The following SLC45A4 variants were observed in gnomAD, a reference collection of about 807,000 sequenced individuals.
The protein encoded by SLC45A4 is polyamine-transporter SLC45A4.
In SLC45A4, 32 loss-of-function variants were observed where a neutral mutation model predicts 63.7. The observed-to-expected ratio is 0.50, with a 90% CI of 0.38 to 0.67. The LOEUF is 0.67. Among genes scored for constraint, SLC45A4 ranks in the 30% least tolerant of loss-of-function variants. The pLI is 0.00. For synonymous variants in SLC45A4, 535 were observed against 510.0 expected (o/e 1.05, Z -0.66); for missense variants, 1,027 against 1,157.7 (o/e 0.89, Z 1.64).
intron 1 of SLC45A4, among the ~76,000 whole-genome samples, chr8:141,289,534 G>A (rs1446193182): frequency 6.6e-6 from 1 of 152,192 alleles, no homozygotes; most frequent in East Asian, 1.9e-4. Flanking sequence ...AGTGCAGAGA[G>A]GCGATTTGTA....
Position 141,217,101 on chromosome 8 carries a change from G to A in SLC45A4, c.1718C>T (p.Ala573Val). Residue 573 changes from alanine to valine, a missense_variant, in exon 6 of 9, where the codon GCT becomes GTT. Ala to Val is a moderately conservative substitution (Grantham distance 64, BLOSUM62 0). Transcript: ENST00000517878. Reference sequence around the variant, plus strand: ...TGGGGAGCTCTTACCTGAACAAATAGCACCAGTGGCGGCATAAATGACCAG... The same window carrying A: ...TGGGGAGCTCTTACCTGAACAAATAACACCAGTGGCGGCATAAATGACCAG... ...WGLVIYAATG[A>V]ICSALLQKYL... is the part of the protein sequence containing the mutation. 1 of 1,613,970 alleles carries A rather than the reference G, an allele frequency of 6.2e-7. No individual in the cohort carries two copies. The highest frequency in any genetic ancestry group is 8.5e-7 in the Non-Finnish European group (1 of 1,179,994).
At position 141,254,739 on chromosome 8, in the gene SLC45A4, C is replaced by A. The variant is rs1257357401; in HGVS notation, c.-400-110G>T. 1.5e-6 allele frequency: 1 copy of A among 682,290 alleles called. No homozygotes were observed. The highest frequency in any genetic ancestry group is 2.7e-6 in the Non-Finnish European group (1 of 372,422). The allele number at this position is 682,290 out of a possible 1,614,324, so 42.3% of individuals were successfully genotyped here. A position where few individuals can be genotyped will look rare whatever the true frequency, so the allele number is the denominator to read the frequency against. Reference sequence around the variant, plus strand: ...AGCCGTGTGCCCCGAGGGCCCGACCCAAGATCACACAGCTCTCTGCCACTC... The same window carrying A: ...AGCCGTGTGCCCCGAGGGCCCGACCAAAGATCACACAGCTCTCTGCCACTC... On this transcript the variant is annotated intron_variant, in intron 1 of 8. Transcript: ENST00000517878. This position sits in a 1 kb window ranked among gnomAD's most constrained non-coding sequence, Gnocchi z 4.5.
intron 2 of SLC45A4, among the ~76,000 whole-genome samples, chr8:141,239,685 T>G (rs1475934079): frequency 1.3e-5 from 2 of 152,198 alleles, no homozygotes; most frequent in African/African-American, 2.4e-5. Context: ...AGATGTGTTT[T>G]CAGGTGGATT....
Position 141,212,332 on chromosome 8 carries a change from C to T in SLC45A4, c.2166G>A (p.Glu722=), listed in dbSNP as rs751397551. The T allele has an allele frequency of 3.7e-6, 6 of 1,612,896 alleles. No homozygotes were observed. Among genetic ancestry groups the T allele is most frequent in the South Asian group, 1.1e-5 (1 of 91,078 alleles). The change falls in exon 8 of 9, where the codon GAG becomes GAA. Residue 722 remains glutamate, a synonymous_variant. Coordinates refer to ENST00000517878, the MANE Select transcript of SLC45A4 (RefSeq NM_001286646.2). ...ACAGGCCTTTCTGCTCCTCCTTGGC[C>T]TCCTCTGACACGTTGGGATAGATCA... ...FLVIYPNVSE[E]AKEEQKGLSS... is the part of the protein sequence containing the mutation.
rs1829818890 is a variant in SLC45A4 at position 141,278,525 on chromosome 8, C to T, written c.-400-23896G>A. 6.6e-6 allele frequency among the ~76,000 whole-genome samples: 1 copy of T among 151,706 alleles called. No individual in the cohort carries two copies. Among genetic ancestry groups the T allele is most frequent in the Admixed American group, 6.6e-5 (1 of 15,266 alleles). On this transcript the variant is annotated intron_variant, in intron 1 of 8. Transcript: ENST00000517878. This position sits in a 1 kb window ranked among gnomAD's most constrained non-coding sequence, Gnocchi z 4.1. ...GTGGAGGCGGGGCGGGCGGCCGACC[C>T]ACGAGGACACTGGTGAGACAGGGGT...
At chr8:141,233,780 C>T (rs569719522) in intron 2 of SLC45A4, among the ~76,000 whole-genome samples, 1 of 152,336 alleles carries the variant, frequency 6.6e-6, no homozygotes, top group Admixed American at 6.5e-5. Context: ...CCCTGGGAAA[C>T]GGCTATGGAG....
rs1373118056 is a variant in SLC45A4, at chr8:141,256,196, A to T, written c.-400-1567T>A. Among the ~76,000 whole-genome samples the T allele has an allele frequency of 2.0e-5, 3 of 152,180 alleles. No homozygotes were observed. Among genetic ancestry groups the T allele is most frequent in the African/African-American group, 7.2e-5 (3 of 41,434 alleles). ...CTCCTCAGGTAAGATAAGATCGGGG[A>T]TGTGGAACACCCCAAGTTCAGGACT... is the stretch of plus-strand genomic sequence containing the variant. On this transcript the variant is annotated intron_variant, in intron 1 of 8. Coordinates refer to ENST00000517878, the MANE Select transcript of SLC45A4 (RefSeq NM_001286646.2). The surrounding 1 kb of genome is among the most constrained non-coding windows in gnomAD (Gnocchi z 4.3).
At chr8:141,259,249 C>T (rs570761888) in intron 1 of SLC45A4, among the ~76,000 whole-genome samples, 272 of 152,352 alleles carry the variant, frequency 1.8e-3, no homozygotes, top group Non-Finnish European at 2.9e-3. Flanking sequence ...CGCCAGACAC[C>T]GCTGCTCAGC....
In SLC45A4 at chr8:141,218,652, T is replaced by C; in HGVS notation, c.988A>G (p.Ile330Val). ...LEPELLFLHD[I>V]EPSIFHDASY... ...GCGTCGTGGAAGATGGAGGGCTCGA[T>C]GTCGTGCAGGAACAGCAGCTCGGGC... The change falls in exon 5 of 9, where the codon ATC becomes GTC. Residue 330 changes from isoleucine (I) to valine (V), a missense_variant. Transcript: ENST00000517878. The C allele has an allele frequency of 6.2e-7, 1 of 1,613,198 alleles. No individual in the cohort carries two copies. The highest frequency in any genetic ancestry group is 8.5e-7 in the Non-Finnish European group (1 of 1,179,884).
chr8:141,246,165 G>C (rs1183805331), intron 2 of SLC45A4, among the ~76,000 whole-genome samples: 3 of 152,212 alleles, frequency 2.0e-5, no homozygotes, highest in African/African-American at 7.2e-5. Context: ...TGAGGATTGA[G>C]ACAACGGGAA....
rs1049099963 is a variant in SLC45A4 at position 141,227,018 on chromosome 8, G to A, written c.242-5253C>T. ...GTCCTGCTCTGACGTCCCCGGCGGT[G>A]AGAACTCGGTCTCCCCCGTTCGTAG... is the stretch of plus-strand genomic sequence containing the variant. On this transcript the variant is annotated intron_variant, in intron 2 of 8. Coordinates refer to ENST00000517878, the MANE Select transcript of SLC45A4 (RefSeq NM_001286646.2). This position sits in a 1 kb window ranked among gnomAD's most constrained non-coding sequence, Gnocchi z 4.4. The A allele has an allele frequency of 7.9e-5, 12 of 152,270 alleles. No individual in the cohort carries two copies. The highest frequency in any genetic ancestry group is 4.4e-5 in the Non-Finnish European group (3 of 68,056). 9.4% of individuals were successfully genotyped at this position (152,270 alleles called of 1,614,324 possible).
In SLC45A4 at chr8:141,278,756, A is replaced by G. The variant is rs995551783; in HGVS notation, c.-400-24127T>C. Among the ~76,000 whole-genome samples the G allele has an allele frequency of 9.2e-5, 14 of 152,376 alleles. No homozygotes were observed. Among genetic ancestry groups the G allele is most frequent in the Non-Finnish European group, 2.1e-4 (14 of 68,036 alleles). ...CTGGGCTCCTTGCTAACGTCTCAAC[A>G]AGGCACAGACGCACCCGCAAGGGAG... On this transcript the variant is annotated intron_variant, in intron 1 of 8. Transcript: ENST00000517878. The surrounding 1 kb of genome is among the most constrained non-coding windows in gnomAD (Gnocchi z 4.1).
At chr8:141,240,230 T>A (rs1052877832) in intron 2 of SLC45A4, among the ~76,000 whole-genome samples, 5 of 152,246 alleles carry the variant, frequency 3.3e-5, no homozygotes, top group Non-Finnish European at 5.9e-5. Context: ...GGATGTTCTA[T>A]TGCTCACGAT....
chr8:141,236,694 C>T (rs749489462), intron 2 of SLC45A4, among the ~76,000 whole-genome samples: 13 of 152,190 alleles, frequency 8.5e-5, no homozygotes, highest in African/African-American at 1.7e-4. Flanking sequence ...AAGTAACTGC[C>T]GCATTTTATT....
Position 141,254,104 on chromosome 8 carries a change from C to T in SLC45A4, c.126G>A (p.Gly42=), listed in dbSNP as rs1161350107. The change falls in exon 2 of 9, where the codon GGG becomes GGA. Residue 42 remains glycine, a synonymous_variant. Coordinates refer to ENST00000517878, the MANE Select transcript of SLC45A4 (RefSeq NM_001286646.2). This position sits in a 1 kb window ranked among gnomAD's most constrained non-coding sequence, Gnocchi z 4.5. ...GGCGCATGGGGATTCGGTCTATGGA[C>T]CCCTCGCTGATGGTCTCGCAGTTCT... The part of the protein sequence containing the change: ...EAENCETISE[G]SIDRIPMRLW... The T allele has an allele frequency of 6.5e-7, 1 of 1,536,186 alleles. No individual in the cohort carries two copies. Among genetic ancestry groups the T allele is most frequent in the Non-Finnish European group, 8.7e-7 (1 of 1,146,914 alleles).
At position 141,215,778 on chromosome 8, in the gene SLC45A4, T is replaced by A; in HGVS notation, c.1922A>T (p.Gln641Leu). Residue 641 changes from glutamine to leucine, a missense_variant, in exon 7 of 9, where the codon CAG becomes CTG. Physicochemically the swap from Gln to Leu is moderately radical, Grantham distance 113. Coordinates refer to ENST00000517878, the MANE Select transcript of SLC45A4 (RefSeq NM_001286646.2). This position sits in a 1 kb window ranked among gnomAD's most constrained non-coding sequence, Gnocchi z 4.3. ...ISYCPYALLG[Q>L]YHDIKQYIHH... ...ACGCACCTGCTTGATGTCATGGTAC[T>A]GGCCCAGCAGGGCGTACGGGCAGTA... The A allele has an allele frequency of 6.2e-7, 1 of 1,613,690 alleles. No individual in the cohort carries two copies. The highest frequency in any genetic ancestry group is 8.5e-7 in the Non-Finnish European group (1 of 1,179,996).
At position 141,225,587 on chromosome 8, in the gene SLC45A4, G is replaced by A. The variant is rs551492573; in HGVS notation, c.242-3822C>T. Reference sequence around the variant, plus strand: ...ATCTAGAGGAGGCGCTGCGTGCACAGGCCTGTCCCGCCTTTGTGCTGCCAA... The same window carrying A: ...ATCTAGAGGAGGCGCTGCGTGCACAAGCCTGTCCCGCCTTTGTGCTGCCAA... On this transcript the variant is annotated intron_variant, in intron 2 of 8. Coordinates refer to ENST00000517878, the MANE Select transcript of SLC45A4 (RefSeq NM_001286646.2). 4.0e-4 allele frequency: 61 copies of A among 152,542 alleles called. 1 individual carries two copies. Among genetic ancestry groups the A allele is most frequent in the Admixed American group, 3.5e-3 (53 of 15,308 alleles). The allele number at this position is 152,542 out of a possible 1,614,324, so 9.4% of individuals were successfully genotyped here. A position where few individuals can be genotyped will look rare whatever the true frequency, so the allele number is the denominator to read the frequency against.
At chr8:141,214,170 C>T (rs563631136) in intron 7 of SLC45A4, among the ~76,000 whole-genome samples, 6 of 144,454 alleles carry the variant, frequency 4.2e-5, no homozygotes, top group South Asian at 2.2e-4. Context: ...CCAGCCTGGG[C>T]GACAGATCGA....
chr8:141,218,857 C>G lies in SLC45A4; in HGVS notation c.783G>C (p.Gln261His), dbSNP rs535449033. The change falls in exon 5 of 9, where the codon CAG (glutamine) becomes CAC (histidine). Residue 261 changes from glutamine to histidine, a missense_variant. By Grantham distance (24) the Gln-to-His change is conservative. Coordinates refer to ENST00000517878, the MANE Select transcript of SLC45A4 (RefSeq NM_001286646.2). ...CGGGCTCCTCAGCGCTGCGCTCCTG[C>G]TGCGGGCTGTACTGCTCCTCGTCGA... Reference protein sequence around the residue: ...FSIDEEQYSPQQERSAEEPGA... With the variant: ...FSIDEEQYSPHQERSAEEPGA... 26 of 1,613,462 alleles carry G rather than the reference C, an allele frequency of 1.6e-5. No homozygotes were observed. In the South Asian group the frequency reaches 2.2e-4, roughly 14 times the overall value.
Sources: gnomAD v4.1 joint callset for allele counts (sites outside exome capture counted in the v4.1 genomes callset) on GRCh38, gnomAD v4.1.1 for gene constraint, Gnocchi (gnomAD v3.1) non-coding constraint, MANE v1.5 for transcripts, NCBI Gene and HGNC (gene_info 2026-07-23, HGNC 2026-07-21) for gene names.